The following NCKAP5 variants were observed in gnomAD, a reference collection of about 807,000 sequenced individuals.
NCKAP5 encodes the protein NCK associated protein 5.
In NCKAP5, 92 loss-of-function variants were observed where a neutral mutation model predicts 167.0. The ratio of observed to expected loss-of-function variants is 0.55; its 90% CI spans 0.47 to 0.66. The LOEUF (loss-of-function observed/expected upper bound fraction) is 0.66, where lower values mean the gene tolerates loss of function less well. Ranked by LOEUF, NCKAP5 falls within the 30% of genes least tolerant of loss-of-function variation. The probability of loss-of-function intolerance (pLI) is 0.00; values close to 1 mark genes in which losing one functional copy is unlikely to be tolerated. For synonymous variants in NCKAP5, 891 were observed against 877.4 expected (o/e 1.02, Z -0.27); for missense variants, 2,378 against 2,315.0 (o/e 1.03, Z -0.56).
intron 8 of NCKAP5, among the ~76,000 whole-genome samples, chr2:132,938,234 C>T (rs1366383799): frequency 6.6e-6 from 1 of 152,138 alleles, no homozygotes; most frequent in African/African-American, 2.4e-5. Flanking sequence ...CATGAGGAAT[C>T]AATCAAGATA....
At chr2:132,942,318 T>C (rs1697360041) in intron 8 of NCKAP5, among the ~76,000 whole-genome samples, 1 of 152,156 alleles carries the variant, frequency 6.6e-6, no homozygotes, top group African/African-American at 2.4e-5. Context: ...GTTAAAAAAA[T>C]TTATTGCTGG....
chr2:133,006,752 G>C (rs1255689088), intron 6 of NCKAP5, among the ~76,000 whole-genome samples: 1 of 152,026 alleles, frequency 6.6e-6, no homozygotes, highest in Non-Finnish European at 1.5e-5. Flanking sequence ...TAATTTTTTT[G>C]ATGGAGGTGT....
At chr2:132,839,375 A>G (rs1177951649) in intron 11 of NCKAP5, among the ~76,000 whole-genome samples, 1 of 152,030 alleles carries the variant, frequency 6.6e-6, no homozygotes, top group Admixed American at 6.6e-5. Context: ...TGTTTTCTGT[A>G]TATGTATTTT....
At chr2:133,276,540 G>A (rs2089737603) in intron 4 of NCKAP5, among the ~76,000 whole-genome samples, 1 of 150,056 alleles carries the variant, frequency 6.7e-6, no homozygotes, top group Non-Finnish European at 1.5e-5. Flanking sequence ...GTTAGAGATA[G>A]AAAGATTAAT....
intron 7 of NCKAP5, among the ~76,000 whole-genome samples, chr2:132,986,497 T>C (rs1178496109): frequency 6.6e-6 from 1 of 152,192 alleles, no homozygotes; most frequent in East Asian, 1.9e-4. Flanking sequence ...GTGATTCTGA[T>C]ACTCAGTCAG....
chr2:133,369,176 G>A (rs1396696410), intron 3 of NCKAP5, among the ~76,000 whole-genome samples: 1 of 152,196 alleles, frequency 6.6e-6, no homozygotes, highest in African/African-American at 2.4e-5. Flanking sequence ...GGGAATCACG[G>A]GTGGGACAAA....
At chr2:132,761,905 T>G (rs1327108839) in intron 16 of NCKAP5, among the ~76,000 whole-genome samples, 1 of 152,186 alleles carries the variant, frequency 6.6e-6, no homozygotes, top group Non-Finnish European at 1.5e-5. Flanking sequence ...CTGGGAGCTT[T>G]TTTTGAGTTT....
chr2:132,755,602 G>A (rs1025224982), intron 16 of NCKAP5, among the ~76,000 whole-genome samples: 8 of 151,920 alleles, frequency 5.3e-5, no homozygotes, highest in African/African-American at 1.2e-4. Flanking sequence ...AGGCCAAGGC[G>A]GGCAGATCAT....
chr2:132,825,229 A>G (rs1687043026), intron 11 of NCKAP5, among the ~76,000 whole-genome samples: 1 of 152,230 alleles, frequency 6.6e-6, no homozygotes, highest in Non-Finnish European at 1.5e-5. Flanking sequence ...GTGTCTCTAC[A>G]TAGGTGAGTG....
intron 15 of NCKAP5, among the ~76,000 whole-genome samples, chr2:132,775,701 G>A (rs1682489005): frequency 6.6e-6 from 1 of 152,186 alleles, no homozygotes; most frequent in Admixed American, 6.5e-5. Flanking sequence ...GGATCTGTTT[G>A]TAACAAGGTG....
rs571050086 is a variant in NCKAP5, at chr2:132,715,587, T to C, written c.5713+10040A>G. Among the ~76,000 whole-genome samples, 18 of 152,352 alleles carry C rather than the reference T, an allele frequency of 1.2e-4. No homozygotes were observed. In the South Asian group the frequency reaches 3.1e-3, roughly 26 times the overall value. ...AGGATTTCTGCCTCCTCAGGGCACA[T>C]GTTCTCTAAGAGAGACAGAGCCGAA... On this transcript the variant is annotated intron_variant, in intron 19 of 19. Coordinates refer to ENST00000409261, the MANE Select transcript of NCKAP5 (RefSeq NM_207363.3).
At chr2:133,042,667 C>T (rs956343) in intron 6 of NCKAP5, among the ~76,000 whole-genome samples, 20,884 of 152,088 alleles carry the variant, frequency 0.14, 1,638 homozygotes, top group South Asian at 0.19. Context: ...TGCACACACA[C>T]GTGTGCTTTC....
chr2:132,682,887 C>T (rs1331824190), intron 19 of NCKAP5, among the ~76,000 whole-genome samples: 16 of 141,598 alleles, frequency 1.1e-4, no homozygotes, highest in Non-Finnish European at 2.2e-4. Context: ...TTTCTTTTTA[C>T]TTTTTTTTTT....
chr2:133,436,242 C>T (rs570991101), intron 3 of NCKAP5, among the ~76,000 whole-genome samples: 5 of 152,254 alleles, frequency 3.3e-5, no homozygotes, highest in South Asian at 2.1e-4. Context: ...AATCAGGTAA[C>T]GGGGAGTTTA....
At chr2:133,186,262 G>A (rs2084941833) in intron 5 of NCKAP5, among the ~76,000 whole-genome samples, 1 of 152,072 alleles carries the variant, frequency 6.6e-6, no homozygotes, top group African/African-American at 2.4e-5. Context: ...CATGCTTATT[G>A]ATTTGCTTAT....
At chr2:133,024,364 CAAAGA>C (rs925568987) in intron 6 of NCKAP5, among the ~76,000 whole-genome samples, 1 of 152,078 alleles carries the variant, frequency 6.6e-6, no homozygotes, top group Non-Finnish European at 1.5e-5. Flanking sequence ...GAGAATAATT[CAAAGA>C]AAAGTTTTAC....
At chr2:133,506,092 T>A (rs2151404414) in intron 3 of NCKAP5, among the ~76,000 whole-genome samples, 1 of 152,304 alleles carries the variant, frequency 6.6e-6, no homozygotes, top group African/African-American at 2.4e-5. Context: ...GCAGTTCTAA[T>A]GCAGTGATCG....
At chr2:133,548,689 G>T (rs1274423028) in intron 2 of NCKAP5, among the ~76,000 whole-genome samples, 1 of 151,910 alleles carries the variant, frequency 6.6e-6, no homozygotes, top group Non-Finnish European at 1.5e-5. Context: ...GAGAGATTTT[G>T]TCACCACTAG....
chr2:132,907,348 A>T (rs1485647932), intron 8 of NCKAP5, among the ~76,000 whole-genome samples: 1 of 152,208 alleles, frequency 6.6e-6, no homozygotes, highest in Non-Finnish European at 1.5e-5. Context: ...TAACTTGGGC[A>T]TTTCAGAGAT....
Sources: gnomAD v4.1 joint callset for allele counts (sites outside exome capture counted in the v4.1 genomes callset) on GRCh38, gnomAD v4.1.1 for gene constraint, MANE v1.5 for transcripts, NCBI Gene and HGNC (gene_info 2026-07-23, HGNC 2026-07-21) for gene names.